The following ANKS1B variants were observed in gnomAD, a reference collection of about 807,000 sequenced individuals.
The protein encoded by ANKS1B is ankyrin repeat and sterile alpha motif domain containing 1B.
ANKS1B carries 36 observed loss-of-function variants against 148.3 expected under a neutral mutation model. The ratio of observed to expected loss-of-function variants is 0.24; its 90% CI spans 0.19 to 0.32. ANKS1B has a LOEUF of 0.32. Ranked by LOEUF, ANKS1B falls within the 10% of genes least tolerant of loss-of-function variation. ANKS1B has a pLI of 1.00. For synonymous variants in ANKS1B, 542 were observed against 560.8 expected, an observed-to-expected ratio of 0.97 and a Z score of 0.47; for missense variants, 1,157 against 1,542.6, an observed-to-expected ratio of 0.75 and a Z score of 4.19.
chr12:99,372,428 G>A (rs10735366), intron 12 of ANKS1B, among the ~76,000 whole-genome samples: 147,665 of 152,274 alleles, frequency 0.97, 71,625 homozygotes, highest in East Asian at 1. Flanking sequence ...CTTATGATTC[G>A]TTTGTAATTA....
intron 15 of ANKS1B, among the ~76,000 whole-genome samples, chr12:99,152,248 T>G (rs1031141957): frequency 7.9e-5 from 12 of 152,196 alleles, no homozygotes; most frequent in Admixed American, 2.0e-4. Context: ...TACCACTTCA[T>G]GATTTGCTTC....
chr12:99,227,248 C>T (rs1168893491), intron 14 of ANKS1B, among the ~76,000 whole-genome samples: 1 of 152,058 alleles, frequency 6.6e-6, no homozygotes. Flanking sequence ...GTACCTCCCC[C>T]CTCTCTCGCT....
chr12:99,819,568 G>C (rs1277937250), intron 2 of ANKS1B, among the ~76,000 whole-genome samples: 1 of 151,678 alleles, frequency 6.6e-6, no homozygotes, highest in South Asian at 2.1e-4. Context: ...AATATCTTAT[G>C]TGTATATAAA....
At chr12:99,471,708 T>C (rs1567169643) in intron 10 of ANKS1B, among the ~76,000 whole-genome samples, 1 of 151,992 alleles carries the variant, frequency 6.6e-6, no homozygotes. Context: ...GTGTTTACTC[T>C]TTGGTCTGCT....
chr12:99,504,097 T>C (rs2096682970), intron 10 of ANKS1B, among the ~76,000 whole-genome samples: 1 of 152,178 alleles, frequency 6.6e-6, no homozygotes, highest in Non-Finnish European at 1.5e-5. Context: ...ATAAAGCAGC[T>C]AAGTAAGATT....
At chr12:99,951,450 T>A (rs918033469) in intron 1 of ANKS1B, among the ~76,000 whole-genome samples, 1 of 152,230 alleles carries the variant, frequency 6.6e-6, no homozygotes, top group African/African-American at 2.4e-5. Context: ...TAGCCATTCA[T>A]AATTGTTCTA....
chr12:99,113,595 G>T (rs1282752664), intron 15 of ANKS1B, among the ~76,000 whole-genome samples: 1 of 152,158 alleles, frequency 6.6e-6, no homozygotes, highest in African/African-American at 2.4e-5. Context: ...AAACTTCTAA[G>T]TTATCTTTAT....
chr12:99,624,854 A>G (rs1377387584), intron 9 of ANKS1B, among the ~76,000 whole-genome samples: 1 of 152,158 alleles, frequency 6.6e-6, no homozygotes, highest in African/African-American at 2.4e-5. Context: ...TCAAAGAACT[A>G]AAAATAGAGC....
At chr12:99,496,556 T>C (rs919985821) in intron 10 of ANKS1B, among the ~76,000 whole-genome samples, 13 of 152,220 alleles carry the variant, frequency 8.5e-5, no homozygotes, top group African/African-American at 2.4e-4. Context: ...AGTCCAGTAC[T>C]AGAACAATCT....
At chr12:99,345,618 G>T (rs1205628134) in intron 12 of ANKS1B, among the ~76,000 whole-genome samples, 1 of 151,940 alleles carries the variant, frequency 6.6e-6, no homozygotes, top group Non-Finnish European at 1.5e-5. Flanking sequence ...CTTTAAAAAG[G>T]TTAAATCACT....
At chr12:99,357,799 C>T (rs574778538) in intron 12 of ANKS1B, among the ~76,000 whole-genome samples, 16 of 152,122 alleles carry the variant, frequency 1.1e-4, no homozygotes, top group Middle Eastern at 3.4e-3. Context: ...TTGATACTTG[C>T]TAAATTACAT....
intron 2 of ANKS1B, among the ~76,000 whole-genome samples, chr12:99,812,690 C>T (rs753069497): frequency 4.8e-4 from 73 of 151,196 alleles, no homozygotes; most frequent in Non-Finnish European, 9.6e-4. Flanking sequence ...GAAGAGGATA[C>T]CAACTCCCAT....
At chr12:99,460,970 C>T (rs1392750694) in intron 10 of ANKS1B, among the ~76,000 whole-genome samples, 2 of 151,848 alleles carry the variant, frequency 1.3e-5, no homozygotes, top group Non-Finnish European at 2.9e-5. Context: ...GCACAATTCA[C>T]AATTGCAAAA....
chr12:99,356,528 T>C lies in ANKS1B; in HGVS notation c.1756+43103A>G, dbSNP rs1005779548. Among the ~76,000 whole-genome samples the C allele has an allele frequency of 2.6e-5, 4 of 152,264 alleles. No homozygotes were observed. In the East Asian group the frequency reaches 5.8e-4, roughly 22 times the overall value. ...GTGCTTCAATTGACCAAGCTGAACG[T>C]TGTACACGCTGGCAAAGGAAAATAT... On this transcript the variant is annotated intron_variant, in intron 12 of 26. Transcript: ENST00000683438.
At chr12:99,475,867 C>A (rs1046905661) in intron 10 of ANKS1B, among the ~76,000 whole-genome samples, 4 of 151,834 alleles carry the variant, frequency 2.6e-5, no homozygotes, top group Non-Finnish European at 5.9e-5. Flanking sequence ...AAAAGGAAAG[C>A]TTGTTTAATT....
intron 12 of ANKS1B, among the ~76,000 whole-genome samples, chr12:99,263,393 G>T (rs1165274232): frequency 6.6e-6 from 1 of 151,828 alleles, no homozygotes; most frequent in Non-Finnish European, 1.5e-5. Flanking sequence ...TAGATTTATA[G>T]TGTTACAACA....
chr12:99,728,476 T>G (rs374287282), intron 8 of ANKS1B, among the ~76,000 whole-genome samples: 5 of 151,970 alleles, frequency 3.3e-5, no homozygotes, highest in Admixed American at 6.6e-5. Flanking sequence ...CAAGAAACAA[T>G]AGATGCTTGG....
At chr12:99,217,685 CCTTGTCTCCATCT>C (rs1023931099) in intron 14 of ANKS1B, among the ~76,000 whole-genome samples, 4 of 152,048 alleles carry the variant, frequency 2.6e-5, no homozygotes, top group African/African-American at 9.7e-5. Flanking sequence ...ATAACTGATC[CCTTGTCTCCATCT>C]CTTTGGCCTT....
At chr12:99,068,169 C>T (rs892667928) in intron 16 of ANKS1B, among the ~76,000 whole-genome samples, 1 of 151,872 alleles carries the variant, frequency 6.6e-6, no homozygotes, top group Non-Finnish European at 1.5e-5. Flanking sequence ...AAAGTTCCTA[C>T]CTTCCAGGAA....
Sources: gnomAD v4.1 joint callset for allele counts (sites outside exome capture counted in the v4.1 genomes callset) on GRCh38, gnomAD v4.1.1 for gene constraint, MANE v1.5 for transcripts, NCBI Gene and HGNC (gene_info 2026-07-23, HGNC 2026-07-21) for gene names.